Variants in KCNMB3 observed in about 807,000 individuals in gnomAD.
KCNMB3 encodes the protein potassium calcium-activated channel subfamily M regulatory beta subunit 3.
A neutral mutation model predicts 11.9 loss-of-function variants in KCNMB3; 18 were observed. The ratio of observed to expected loss-of-function variants is 1.51; its 90% CI spans 1.04 to 2.23. KCNMB3 has a LOEUF of 2.23. KCNMB3 is among the 30% of genes most tolerant of loss of function. The pLI, the probability that KCNMB3 is intolerant of heterozygous loss-of-function variation, is 0.00. For synonymous variants in KCNMB3, 78 were observed against 119.2 expected (o/e 0.65, Z 2.25); for missense variants, 247 against 329.4 (o/e 0.75, Z 1.94).
rs745820726 is a variant in KCNMB3 at position 179,250,775 on chromosome 3, G to T, written c.216C>A (p.Leu72=). The T allele has an allele frequency of 6.2e-7, 1 of 1,613,994 alleles. No individual in the cohort carries two copies. The change falls in exon 1 of 3, where the codon CTC becomes CTA. Residue 72 remains leucine (L), a synonymous_variant. Transcript: ENST00000392685. ...MGFSVLMFFL[L]GTTILKPFML... is the part of the protein sequence containing the mutation. ...TAAAAGGCTTTAGAATGGTTGTTCC[G>T]AGCAAGAAGAACATTAGGACTGAGA...
chr3:179,250,873 C>G lies in KCNMB3; in HGVS notation c.118G>C (p.Asp40His). The change falls in exon 1 of 3, where the codon GAT becomes CAT. Residue 40 changes from aspartate to histidine, a missense_variant. Asp to His is a moderately conservative substitution (Grantham distance 81). Transcript: ENST00000392685. Reference sequence around the variant, plus strand: ...CTGGATGGCAGCCTCTTGTGCACATCTAGTGGGTCTCCATCACTGTAGTCT... The same window carrying G: ...CTGGATGGCAGCCTCTTGTGCACATGTAGTGGGTCTCCATCACTGTAGTCT... ...ETDYSDGDPL[D>H]VHKRLPSSAG... is the part of the protein sequence containing the mutation. 1 of 1,614,188 alleles carries G rather than the reference C, an allele frequency of 6.2e-7. No individual in the cohort carries two copies. The highest frequency in any genetic ancestry group is 8.5e-7 in the Non-Finnish European group (1 of 1,180,034).
At chr3:179,245,519 G>C (rs966975258) in intron 1 of KCNMB3, among the ~76,000 whole-genome samples, 7 of 151,430 alleles carry the variant, frequency 4.6e-5, no homozygotes, top group South Asian at 2.1e-4. Flanking sequence ...TTTTTTGGGG[G>C]GGGGGATGGA....
upstream of KCNMB3, among the ~76,000 whole-genome samples, chr3:179,254,431 T>C (rs1028792648): frequency 1.3e-5 from 2 of 151,866 alleles, no homozygotes; most frequent in Admixed American, 6.6e-5. Context: ...CGTGTAATGT[T>C]GTTTAAGTAG....
chr3:179,266,958 G>A, exon 1 of KCNMB3: 1 of 1,289,638 alleles, frequency 7.8e-7, no homozygotes. Flanking sequence ...AGAAGGACCT[G>A]CGTGGTTTGC....
At chr3:179,263,300 G>C (rs542553047) in intron 1 of KCNMB3, among the ~76,000 whole-genome samples, 2 of 152,230 alleles carry the variant, frequency 1.3e-5, no homozygotes, top group African/African-American at 4.8e-5. Flanking sequence ...TCGGCCACTC[G>C]GAGTGCTGGC....
upstream of KCNMB3, among the ~76,000 whole-genome samples, chr3:179,255,782 A>G (rs1725993042): frequency 6.6e-6 from 1 of 152,244 alleles, no homozygotes; most frequent in South Asian, 2.1e-4. Flanking sequence ...GCACAGCTAC[A>G]AAGACAAGAG....
Sources: gnomAD v4.1 joint callset for allele counts (sites outside exome capture counted in the v4.1 genomes callset) on GRCh38, gnomAD v4.1.1 for gene constraint, MANE v1.5 for transcripts, NCBI Gene and HGNC (gene_info 2026-07-23, HGNC 2026-07-21) for gene names.